ZCCHC7: variants seen among roughly 807,000 people sequenced by gnomAD.
The protein encoded by ZCCHC7 is zinc finger CCHC domain-containing protein 7.
ZCCHC7 carries 35 observed loss-of-function variants against 52.0 expected under a neutral mutation model. That is an observed-to-expected ratio of 0.67 (90% CI 0.51 to 0.89). The LOEUF is 0.89. ZCCHC7 is among the 40% of genes least tolerant of loss of function. The pLI, the probability that ZCCHC7 is intolerant of heterozygous loss-of-function variation, is 0.00. For missense variants in ZCCHC7, 574 were observed against 649.1 expected (o/e 0.88, Z 1.26); for synonymous variants, 217 against 221.5 (o/e 0.98, Z 0.18).
chr9:37,328,000 C>T lies in ZCCHC7; in HGVS notation c.987+166C>T, dbSNP rs901899184. ...AATACACTTTTTCTCTTTTCCACTG[C>T]CCCCTACCCTATCTTCCTGTTCTTA... is the stretch of plus-strand genomic sequence containing the variant. On this transcript the variant is annotated intron_variant, in intron 6 of 8. Coordinates refer to ENST00000336755, the MANE Select transcript of ZCCHC7 (RefSeq NM_032226.3). 3.3e-5 allele frequency among the ~76,000 whole-genome samples: 5 copies of T among 152,002 alleles called. 1 individual carries two copies. The highest frequency in any genetic ancestry group is 1.2e-4 in the African/African-American group (5 of 41,410).
chr9:37,143,889 G>A (rs1427485385), intron 2 of ZCCHC7, among the ~76,000 whole-genome samples: 1 of 151,728 alleles, frequency 6.6e-6, no homozygotes, highest in East Asian at 1.9e-4. Flanking sequence ...AATTATAAAA[G>A]GATTATGAGT....
At chr9:37,213,464 C>G (rs1043183285) in intron 2 of ZCCHC7, among the ~76,000 whole-genome samples, 1 of 152,074 alleles carries the variant, frequency 6.6e-6, no homozygotes, top group Non-Finnish European at 1.5e-5. Context: ...AGCAACAGAA[C>G]CCTTGTTAGT....
chr9:37,244,943 A>G (rs986182961), intron 2 of ZCCHC7, among the ~76,000 whole-genome samples: 1 of 151,998 alleles, frequency 6.6e-6, no homozygotes. Flanking sequence ...TTGTCTGTAA[A>G]GTGAATCAAA....
chr9:37,302,352 A>C, intron 3 of ZCCHC7, 121 bp downstream of exon 3: 1 of 784,050 alleles, frequency 1.3e-6, no homozygotes, highest in Non-Finnish European at 2.0e-6. Context: ...TGATTTTAGC[A>C]TATGAGTGAT....
rs770073067 is a variant in ZCCHC7 at position 37,302,175 on chromosome 9, A to G, written c.611-13A>G. 34 of 1,602,406 alleles carry G rather than the reference A, an allele frequency of 2.1e-5. No homozygotes were observed. The East Asian group carries it at 6.9e-4, about 33-fold the overall frequency. ...AAGTGCCACGGTTAAGTAATAATTT[A>G]TTTGTTTTGTAGGAGAAGATGGTAT... On this transcript the variant is annotated splice_polypyrimidine_tract_variant and intron_variant, in intron 2 of 8. Transcript: ENST00000336755.
intron 2 of ZCCHC7, among the ~76,000 whole-genome samples, chr9:37,176,909 A>G (rs939941970): frequency 1.3e-5 from 2 of 152,168 alleles, no homozygotes; most frequent in Non-Finnish European, 2.9e-5. Context: ...ATATATAGAG[A>G]TAAGGTCTTA....
At chr9:37,169,979 G>A (rs911375566) in intron 2 of ZCCHC7, among the ~76,000 whole-genome samples, 1 of 151,746 alleles carries the variant, frequency 6.6e-6, no homozygotes, top group Non-Finnish European at 1.5e-5. Context: ...TGGAGGGATC[G>A]CTTGAGCCCA....
At chr9:37,131,051 A>G (rs535788595) in intron 2 of ZCCHC7, among the ~76,000 whole-genome samples, 12 of 152,124 alleles carry the variant, frequency 7.9e-5, no homozygotes, top group East Asian at 7.8e-4. Context: ...TTATTATATT[A>G]AAAAAATGGC....
chr9:37,307,929 T>C (rs1829406574), intron 5 of ZCCHC7, among the ~76,000 whole-genome samples: 1 of 152,206 alleles, frequency 6.6e-6, no homozygotes, highest in Non-Finnish European at 1.5e-5. Context: ...CGTACACTTA[T>C]GTCTGGATAA....
intron 6 of ZCCHC7, among the ~76,000 whole-genome samples, chr9:37,336,951 C>T (rs573728380): frequency 1.3e-5 from 2 of 152,178 alleles, no homozygotes; most frequent in East Asian, 1.9e-4. Context: ...TGGTAAGATA[C>T]CCTGTCACCG....
intron 2 of ZCCHC7, among the ~76,000 whole-genome samples, chr9:37,267,531 G>T (rs1827166793): frequency 6.6e-6 from 1 of 151,230 alleles, no homozygotes; most frequent in Non-Finnish European, 1.5e-5. Context: ...TCAGCCTCCT[G>T]GGTAGCTGGG....
At chr9:37,338,273 A>G (rs918721312) in intron 6 of ZCCHC7, among the ~76,000 whole-genome samples, 4 of 152,108 alleles carry the variant, frequency 2.6e-5, no homozygotes, top group African/African-American at 9.7e-5. Context: ...TAGTTTTCAG[A>G]TATATTTTAG....
intron 5 of ZCCHC7, among the ~76,000 whole-genome samples, chr9:37,326,317 A>G (rs936288929): frequency 6.6e-6 from 1 of 152,026 alleles, no homozygotes; most frequent in Non-Finnish European, 1.5e-5. Context: ...TTATGAATCA[A>G]CCTTTTACTT....
At chr9:37,206,820 C>G (rs954920325) in intron 2 of ZCCHC7, among the ~76,000 whole-genome samples, 3 of 152,156 alleles carry the variant, frequency 2.0e-5, no homozygotes, top group Non-Finnish European at 4.4e-5. Context: ...ATGTAAGATT[C>G]AACTTACCTA....
chr9:37,163,997 A>C, intron 2 of ZCCHC7, among the ~76,000 whole-genome samples: 1 of 151,578 alleles, frequency 6.6e-6, no homozygotes, highest in East Asian at 1.9e-4. Context: ...TATTCTGTTT[A>C]TTTGTCTTTC....
intron 2 of ZCCHC7, among the ~76,000 whole-genome samples, chr9:37,297,339 T>C (rs1828835260): frequency 6.6e-6 from 1 of 152,180 alleles, no homozygotes; most frequent in Non-Finnish European, 1.5e-5. Flanking sequence ...CTAAGACATC[T>C]TTCTGTCTCC....
At chr9:37,177,724 C>T (rs139959903) in intron 2 of ZCCHC7, among the ~76,000 whole-genome samples, 38 of 152,200 alleles carry the variant, frequency 2.5e-4, no homozygotes, top group Admixed American at 7.8e-4. Context: ...GGCAGTTTAC[C>T]GCTGTGGTTT....
intron 5 of ZCCHC7, among the ~76,000 whole-genome samples, chr9:37,318,329 G>T (rs1829911639): frequency 6.6e-6 from 1 of 152,100 alleles, no homozygotes; most frequent in Admixed American, 6.5e-5. Context: ...GGGCATGGTG[G>T]TGGGCTCTGT....
intron 2 of ZCCHC7, among the ~76,000 whole-genome samples, chr9:37,153,665 T>C (rs751897919): frequency 6.6e-5 from 10 of 151,724 alleles, no homozygotes; most frequent in Non-Finnish European, 1.3e-4. Context: ...AGCAATAATA[T>C]TGGTCATCAG....
Sources: gnomAD v4.1 joint callset for allele counts (sites outside exome capture counted in the v4.1 genomes callset) on GRCh38, gnomAD v4.1.1 for gene constraint, MANE v1.5 for transcripts, NCBI Gene and HGNC (gene_info 2026-07-23, HGNC 2026-07-21) for gene names.